SBF2: variants seen among roughly 807,000 people sequenced by gnomAD.
SBF2 encodes SET binding factor 2.
SBF2 carries 112 observed loss-of-function variants against 225.2 expected under a neutral mutation model. That is an observed-to-expected ratio of 0.50 (90% CI 0.43 to 0.58). SBF2 has a LOEUF of 0.58. Among genes scored for constraint, SBF2 ranks in the 20% least tolerant of loss-of-function variants. The pLI, the probability that SBF2 is intolerant of heterozygous loss-of-function variation, is 0.00. For synonymous variants in SBF2, 763 were observed against 773.3 expected, an observed-to-expected ratio of 0.99 and a Z score of 0.22; for missense variants, 1,996 against 2,206.2, an observed-to-expected ratio of 0.90 and a Z score of 1.91.
chr11:9,834,665 T>G (rs1855625062), intron 26 of SBF2, among the ~76,000 whole-genome samples: 1 of 152,130 alleles, frequency 6.6e-6, no homozygotes, highest in Non-Finnish European at 1.5e-5. Flanking sequence ...CACAAACTGA[T>G]GAAAAGACCA....
intron 2 of SBF2, among the ~76,000 whole-genome samples, chr11:10,156,448 C>A (rs552926392): frequency 1.5e-4 from 23 of 152,318 alleles, no homozygotes; most frequent in Non-Finnish European, 3.4e-4. Flanking sequence ...CTCGGTGAAA[C>A]CCCCACCTTC....
rs898995159 is a variant in SBF2, at chr11:9,845,560, C to A, written c.3110+5G>T. 1.1e-5 allele frequency: 17 copies of A among 1,612,910 alleles called. No homozygotes were observed. Among genetic ancestry groups the A allele is most frequent in the Non-Finnish European group, 1.4e-5 (17 of 1,179,058 alleles). On this transcript the variant is annotated splice_donor_5th_base_variant and intron_variant, in intron 24 of 39. Transcript: ENST00000256190. ...TGAAATTAACAGACTTGTCTTTCTT[C>A]TTACCGAAAAGAAGTGTTCTTTTCC...
At chr11:9,929,809 T>C (rs934268458) in intron 16 of SBF2, among the ~76,000 whole-genome samples, 1 of 152,214 alleles carries the variant, frequency 6.6e-6, no homozygotes, top group Non-Finnish European at 1.5e-5. Context: ...CAGAAAATGC[T>C]TTCCAAGAGT....
chr11:9,788,050 G>T, intron 35 of SBF2: 1 of 393,658 alleles, frequency 2.5e-6, no homozygotes, highest in Non-Finnish European at 4.8e-6. Flanking sequence ...TGGGAAATCT[G>T]ATAGCCAAAG....
At chr11:9,842,602 A>T in intron 25 of SBF2, 23 bp downstream of exon 25, 1 of 1,611,646 alleles carries the variant, frequency 6.2e-7, no homozygotes, top group Non-Finnish European at 8.5e-7. Flanking sequence ...TGAATAATGA[A>T]GGAAATTCAA....
intron 1 of SBF2, among the ~76,000 whole-genome samples, chr11:10,204,301 A>C (rs72861767): frequency 0.1 from 15,903 of 151,506 alleles, 1,028 homozygotes; most frequent in Non-Finnish European, 0.11. Flanking sequence ...CTTCAAAAAA[A>C]AAGCTGAGTA....
intron 16 of SBF2, among the ~76,000 whole-genome samples, chr11:9,901,801 C>T (rs142215842): frequency 7.9e-5 from 12 of 152,230 alleles, no homozygotes; most frequent in Non-Finnish European, 1.0e-4. Context: ...TGTGCTACCA[C>T]GCCCAGGTAA....
intron 1 of SBF2, among the ~76,000 whole-genome samples, chr11:10,302,216 A>G (rs1964605189): frequency 6.6e-6 from 1 of 152,240 alleles, no homozygotes; most frequent in Non-Finnish European, 1.5e-5. Flanking sequence ...TTTGTCGTTA[A>G]CGATGATTAA....
chr11:10,049,657 C>T (rs903401321), intron 2 of SBF2, among the ~76,000 whole-genome samples: 3 of 151,934 alleles, frequency 2.0e-5, no homozygotes, highest in African/African-American at 7.3e-5. Flanking sequence ...ATTGATAAAA[C>T]CACATAAAAC....
chr11:9,794,709 ACCAGGCCTGGGGCAGTTGT>A (rs1853004898), intron 33 of SBF2, among the ~76,000 whole-genome samples: 2 of 144,980 alleles, frequency 1.4e-5, no homozygotes, highest in African/African-American at 2.6e-5. Context: ...AAAAAAAAAG[ACCAGGCCTGGGGCAGTTGT>A]AACCAGTTAT....
intron 9 of SBF2, among the ~76,000 whole-genome samples, chr11:9,994,577 C>CAT (rs377348270): frequency 0.06 from 8,011 of 134,008 alleles, 452 homozygotes; most frequent in Middle Eastern, 0.17. Flanking sequence ...TATATATGTA[C>CAT]ATATATATAT....
intron 28 of SBF2, among the ~76,000 whole-genome samples, chr11:9,817,669 C>G (rs1164984619): frequency 6.7e-6 from 1 of 149,528 alleles, no homozygotes; most frequent in African/African-American, 2.5e-5. Flanking sequence ...CTTTGGGAGG[C>G]CAAGGTGGGC....
chr11:9,788,976 C>A, intron 35 of SBF2, 133 bp downstream of exon 35: 1 of 752,748 alleles, frequency 1.3e-6, no homozygotes, highest in Non-Finnish European at 2.3e-6. Flanking sequence ...GGGAGCAAAT[C>A]TGGTTTCTTC....
chr11:9,891,246 C>A (rs1044377123), intron 17 of SBF2, among the ~76,000 whole-genome samples: 2 of 151,826 alleles, frequency 1.3e-5, no homozygotes, highest in Non-Finnish European at 2.9e-5. Flanking sequence ...TACTGTGGTT[C>A]TATTTCTGCT....
intron 16 of SBF2, among the ~76,000 whole-genome samples, chr11:9,944,872 G>C (rs1865475353): frequency 6.6e-6 from 1 of 152,156 alleles, no homozygotes; most frequent in Non-Finnish European, 1.5e-5. Context: ...TTGGGAGGCT[G>C]ATGCAGGAGG....
At chr11:9,889,717 TCA>T (rs1265682003) in intron 17 of SBF2, among the ~76,000 whole-genome samples, 4 of 152,110 alleles carry the variant, frequency 2.6e-5, no homozygotes, top group Non-Finnish European at 4.4e-5. Context: ...ACCTTTATGC[TCA>T]GTGAGAAAAG....
At chr11:9,936,172 C>T (rs997356807) in intron 16 of SBF2, among the ~76,000 whole-genome samples, 5 of 152,286 alleles carry the variant, frequency 3.3e-5, no homozygotes, top group South Asian at 2.1e-4. Context: ...CAAAAGAAGA[C>T]GTTTATGCAG....
At chr11:9,896,099 A>C in intron 16 of SBF2, 88 bp from the exon 17 acceptor site, 3 of 1,042,694 alleles carry the variant, frequency 2.9e-6, no homozygotes, top group Middle Eastern at 4.1e-4. Context: ...TACACTGTTT[A>C]CTGTCCTATG....
chr11:9,948,971 T>C (rs1261716564), intron 16 of SBF2, among the ~76,000 whole-genome samples: 1 of 152,080 alleles, frequency 6.6e-6, no homozygotes, highest in East Asian at 1.9e-4. Context: ...TTAAACTCAA[T>C]GTTTATAAGC....
Sources: allele counts gnomAD v4.1 joint callset (sites outside exome capture counted in the v4.1 genomes callset), GRCh38; gene constraint gnomAD v4.1.1; transcripts MANE v1.5; gene names NCBI Gene and HGNC (gene_info 2026-07-23, HGNC 2026-07-21).